The following PTPRD variants were observed in gnomAD, a reference collection of about 807,000 sequenced individuals.
PTPRD encodes the protein receptor-type tyrosine-protein phosphatase delta.
A neutral mutation model predicts 214.5 loss-of-function variants in PTPRD; 34 were observed. That is an observed-to-expected ratio of 0.16 (90% CI 0.12 to 0.21). The LOEUF (loss-of-function observed/expected upper bound fraction) is 0.21. Among genes scored for constraint, PTPRD ranks in the 10% least tolerant of loss-of-function variants. PTPRD has a pLI of 1.00. For missense variants in PTPRD, 2,545 were observed against 2,398.7 expected (o/e 1.06, Z -1.27); for synonymous variants, 1,128 against 845.7 (o/e 1.33, Z -5.79).
In PTPRD at chr9:9,837,456, T is replaced by C. The variant is rs59496380; in HGVS notation, c.-367-70605A>G. Among the ~76,000 whole-genome samples the C allele has an allele frequency of 8.3e-3, 1,268 of 152,258 alleles. 19 individuals are homozygous for C. Among genetic ancestry groups the C allele is most frequent in the African/African-American group, 0.029 (1,200 of 41,560 alleles). The stretch of plus-strand genomic sequence containing the variant: ...CTTTTCCTTTTGGAAGCCTTCCCCA[T>C]TGTATTAATCTTGATGGGAAGTAGG... On this transcript the variant is annotated intron_variant, in intron 5 of 45. Coordinates refer to ENST00000381196, the MANE Select transcript of PTPRD (RefSeq NM_002839.4).
At chr9:8,399,886 C>G (rs1197660748) in intron 36 of PTPRD, among the ~76,000 whole-genome samples, 1 of 152,132 alleles carries the variant, frequency 6.6e-6, no homozygotes, top group Admixed American at 6.5e-5. Flanking sequence ...ATTGATCATA[C>G]TTAAGTTTGC....
intron 12 of PTPRD, among the ~76,000 whole-genome samples, chr9:8,660,208 C>CGAA (rs2097010964): frequency 1.1e-4 from 17 of 151,438 alleles, no homozygotes; most frequent in African/African-American, 3.9e-4. Context: ...TCTTGTCTTA[C>CGAA]ACAGGCACAT....
At position 8,436,581 on chromosome 9, in the gene PTPRD, C is replaced by T. The variant is rs375222524; in HGVS notation, c.4086+11G>A. 6.3e-7 allele frequency: 1 copy of T among 1,588,184 alleles called. No individual in the cohort carries two copies. The highest frequency in any genetic ancestry group is 1.3e-5 in the African/African-American group (1 of 74,336). On this transcript the variant is annotated intron_variant, in intron 35 of 45. Coordinates refer to ENST00000381196, the MANE Select transcript of PTPRD (RefSeq NM_002839.4). The stretch of plus-strand genomic sequence containing the variant: ...TTGAAATTACTGTAAAGAATAAACA[C>T]AGTGAATTACCTCATATTCCTGGGA...
chr9:10,028,501 A>G (rs1411624141), intron 4 of PTPRD, among the ~76,000 whole-genome samples: 1 of 152,172 alleles, frequency 6.6e-6, no homozygotes, highest in Non-Finnish European at 1.5e-5. Flanking sequence ...GACTTGTTGC[A>G]TGGCTTTGAC....
At chr9:8,566,279 G>A (rs987254915) in intron 14 of PTPRD, among the ~76,000 whole-genome samples, 5 of 152,046 alleles carry the variant, frequency 3.3e-5, no homozygotes, top group Non-Finnish European at 7.4e-5. Flanking sequence ...ACTTCAAGAA[G>A]AAAGCCACCC....
At chr9:9,431,949 T>C (rs1182567773) in intron 8 of PTPRD, among the ~76,000 whole-genome samples, 1 of 150,520 alleles carries the variant, frequency 6.6e-6, no homozygotes, top group Non-Finnish European at 1.5e-5. Context: ...ATATACCTAA[T>C]GTAAATGACA....
At chr9:8,344,844 C>T (rs4740937) in intron 39 of PTPRD, among the ~76,000 whole-genome samples, 74,007 of 151,562 alleles carry the variant, frequency 0.49, 21,139 homozygotes, top group Non-Finnish European at 0.65. Context: ...CTCTTATTAA[C>T]GTTAATTTTC....
intron 10 of PTPRD, among the ~76,000 whole-genome samples, chr9:9,099,461 T>A (rs1346212484): frequency 6.6e-6 from 1 of 152,160 alleles, no homozygotes; most frequent in Admixed American, 6.5e-5. Flanking sequence ...TAGAGATTAT[T>A]TTACAAGGCG....
At chr9:10,073,433 G>A (rs926873811) in intron 3 of PTPRD, among the ~76,000 whole-genome samples, 2 of 152,066 alleles carry the variant, frequency 1.3e-5, no homozygotes, top group African/African-American at 4.8e-5. Flanking sequence ...GCCAAGAGGA[G>A]CCTACAGAGA....
intron 3 of PTPRD, among the ~76,000 whole-genome samples, chr9:10,096,287 C>T (rs1340421172): frequency 6.6e-6 from 1 of 151,692 alleles, no homozygotes; most frequent in Admixed American, 6.6e-5. Context: ...AAAACTGAAT[C>T]TGTAGAACAA....
intron 4 of PTPRD, among the ~76,000 whole-genome samples, chr9:9,991,832 C>CCACACACACACACA (rs56267970): frequency 3.4e-5 from 5 of 147,638 alleles, no homozygotes; most frequent in African/African-American, 1.3e-4. Context: ...TTCAACAGCA[C>CCACACACACACACA]CACACACACA....
At chr9:10,502,472 TA>T (rs1205290483) in intron 2 of PTPRD, among the ~76,000 whole-genome samples, 2 of 151,978 alleles carry the variant, frequency 1.3e-5, no homozygotes, top group Non-Finnish European at 2.9e-5. Flanking sequence ...CACAATAAGG[TA>T]AAAAAGTTGA....
At chr9:9,769,793 T>A (rs2098737443) in intron 5 of PTPRD, among the ~76,000 whole-genome samples, 1 of 151,986 alleles carries the variant, frequency 6.6e-6, no homozygotes, top group South Asian at 2.1e-4. Context: ...CGGTGTGTGA[T>A]GTTCCCCTCC....
chr9:9,044,882 G>C (rs777682902), intron 10 of PTPRD, among the ~76,000 whole-genome samples: 6 of 152,090 alleles, frequency 3.9e-5, no homozygotes, highest in African/African-American at 1.4e-4. Context: ...TGTCATAATG[G>C]TGTGTCTAGA....
chr9:9,508,730 G>A (rs911271908), intron 8 of PTPRD, among the ~76,000 whole-genome samples: 1 of 151,482 alleles, frequency 6.6e-6, no homozygotes, highest in African/African-American at 2.4e-5. Context: ...CAATCTACCT[G>A]GAAGAACATT....
intron 3 of PTPRD, among the ~76,000 whole-genome samples, chr9:10,321,543 T>C (rs1467264820): frequency 1.3e-5 from 2 of 152,108 alleles, no homozygotes; most frequent in Non-Finnish European, 2.9e-5. Context: ...GTTGATTGTC[T>C]GAGTATAGAT....
intron 7 of PTPRD, among the ~76,000 whole-genome samples, chr9:9,596,211 A>C (rs182666589): frequency 1.1e-4 from 16 of 152,120 alleles, no homozygotes; most frequent in African/African-American, 3.8e-4. Context: ...GCCAAACTTA[A>C]ATAGGTTATA....
chr9:8,469,398 A>G (rs2096609357), intron 31 of PTPRD, among the ~76,000 whole-genome samples: 1 of 152,072 alleles, frequency 6.6e-6, no homozygotes, highest in Non-Finnish European at 1.5e-5. Context: ...TTTTTTTAAT[A>G]GGTAGAACAA....
At chr9:8,732,446 T>G (rs1414737977) in intron 12 of PTPRD, among the ~76,000 whole-genome samples, 1 of 152,222 alleles carries the variant, frequency 6.6e-6, no homozygotes, top group East Asian at 1.9e-4. Flanking sequence ...ATAGTCTCAA[T>G]TTCTCTTTAA....
Sources: allele counts gnomAD v4.1 joint callset (sites outside exome capture counted in the v4.1 genomes callset), GRCh38; gene constraint gnomAD v4.1.1; transcripts MANE v1.5; gene names NCBI Gene and HGNC (gene_info 2026-07-23, HGNC 2026-07-21).